Variants in FSHR observed in about 807,000 individuals in gnomAD.
The protein encoded by FSHR is follicle-stimulating hormone receptor.
Under a neutral mutation model 52.1 loss-of-function variants are expected in FSHR, and 46 were observed. The ratio of observed to expected loss-of-function variants is 0.88; its 90% CI spans 0.70 to 1.13. FSHR has a LOEUF of 1.13. Ranked by LOEUF, FSHR falls within the 50% of genes most tolerant of loss-of-function variation. FSHR has a pLI of 0.00. For missense variants in FSHR, 964 were observed against 834.6 expected, an observed-to-expected ratio of 1.16 and a Z score of -1.91; for synonymous variants, 399 against 309.6, an observed-to-expected ratio of 1.29 and a Z score of -3.03.
intron 1 of FSHR, among the ~76,000 whole-genome samples, chr2:49,080,953 C>T (rs773517256): frequency 2.0e-5 from 3 of 152,066 alleles, no homozygotes; most frequent in Admixed American, 6.6e-5. Context: ...CAGAGTTTGC[C>T]GAGAAGTTAT....
intron 2 of FSHR, among the ~76,000 whole-genome samples, chr2:49,033,268 C>A (rs1483045210): frequency 6.6e-6 from 1 of 152,148 alleles, no homozygotes; most frequent in Non-Finnish European, 1.5e-5. Context: ...GGAAATCTCT[C>A]CCCAGAGTTG....
intron 4 of FSHR, among the ~76,000 whole-genome samples, chr2:48,993,686 C>G (rs1305806866): frequency 6.6e-6 from 1 of 152,146 alleles, no homozygotes; most frequent in Non-Finnish European, 1.5e-5. Context: ...TTCTTACTGC[C>G]TACTCTTGCA....
intron 2 of FSHR, among the ~76,000 whole-genome samples, chr2:49,021,839 C>CTCTCTCTCTCTT (rs1558395163): frequency 9.1e-5 from 4 of 44,172 alleles, no homozygotes; most frequent in Non-Finnish European, 1.6e-4. Context: ...GTTTCTCTCT[C>CTCTCTCTCTCTT]TCTCTCTCTC....
At chr2:49,017,193 C>G (rs1011164484) in intron 4 of FSHR, among the ~76,000 whole-genome samples, 1 of 152,184 alleles carries the variant, frequency 6.6e-6, no homozygotes, top group African/African-American at 2.4e-5. Flanking sequence ...TTGGCTGTAT[C>G]TCATTAACAC....
chr2:49,115,654 T>C (rs1436966877), intron 1 of FSHR, among the ~76,000 whole-genome samples: 1 of 152,116 alleles, frequency 6.6e-6, no homozygotes, highest in African/African-American at 2.4e-5. Flanking sequence ...TCATGCTCTA[T>C]TGTATCATGA....
chr2:49,110,747 T>C (rs1671395632), intron 1 of FSHR, among the ~76,000 whole-genome samples: 1 of 152,176 alleles, frequency 6.6e-6, no homozygotes, highest in Admixed American at 6.6e-5. Context: ...GTGGAGTTGC[T>C]GCTGGGGAAT....
intron 2 of FSHR, among the ~76,000 whole-genome samples, chr2:49,041,545 T>C (rs1236182609): frequency 1.3e-5 from 2 of 152,226 alleles, no homozygotes; most frequent in African/African-American, 4.8e-5. Flanking sequence ...AGAATTATTT[T>C]AGTCTTCATG....
chr2:49,044,619 G>A (rs1439663595), intron 2 of FSHR, among the ~76,000 whole-genome samples: 2 of 152,100 alleles, frequency 1.3e-5, no homozygotes, highest in Non-Finnish European at 2.9e-5. Context: ...TTGGCTGGAG[G>A]GGAAAGGAGC....
chr2:48,976,930 C>T (rs1675016837), intron 8 of FSHR, among the ~76,000 whole-genome samples: 2 of 152,036 alleles, frequency 1.3e-5, no homozygotes, highest in South Asian at 4.1e-4. Flanking sequence ...CTTCCAAAAG[C>T]CAGCTCCTGG....
chr2:49,107,473 C>T (rs944968121), intron 1 of FSHR, among the ~76,000 whole-genome samples: 1 of 152,004 alleles, frequency 6.6e-6, no homozygotes, highest in African/African-American at 2.4e-5. Flanking sequence ...AAAGCAGGCT[C>T]TATATTTCAC....
intron 4 of FSHR, among the ~76,000 whole-genome samples, chr2:49,008,817 A>G (rs1199859688): frequency 6.8e-6 from 1 of 147,116 alleles, no homozygotes; most frequent in African/African-American, 2.5e-5. Context: ...TGGCTGCATA[A>G]ATGTCTTCTT....
intron 2 of FSHR, among the ~76,000 whole-genome samples, chr2:49,060,107 C>T (rs1323838346): frequency 6.6e-6 from 1 of 152,084 alleles, no homozygotes; most frequent in Non-Finnish European, 1.5e-5. Flanking sequence ...AAATGCTCCA[C>T]ATCACTAATC....
chr2:49,044,434 T>C (rs1175638916), intron 2 of FSHR, among the ~76,000 whole-genome samples: 1 of 152,204 alleles, frequency 6.6e-6, no homozygotes, highest in African/African-American at 2.4e-5. Context: ...TGAACTCTTA[T>C]TGCTGCTATA....
intron 1 of FSHR, among the ~76,000 whole-genome samples, chr2:49,148,013 C>T (rs1443344268): frequency 2.0e-5 from 3 of 151,958 alleles, no homozygotes; most frequent in Non-Finnish European, 4.4e-5. Context: ...AATCAAAGTA[C>T]ATCTGAGGAA....
chr2:49,139,777 T>C (rs867987329), intron 1 of FSHR, among the ~76,000 whole-genome samples: 14 of 151,994 alleles, frequency 9.2e-5, no homozygotes, highest in African/African-American at 3.1e-4. Flanking sequence ...TTTTGTATTT[T>C]TTAGTAGAGA....
intron 6 of FSHR, among the ~76,000 whole-genome samples, chr2:48,986,589 C>G (rs1026750017): frequency 2.0e-5 from 3 of 152,040 alleles, no homozygotes; most frequent in African/African-American, 7.2e-5. Context: ...GTGAGTTTAT[C>G]CTTTAGAGAC....
intron 4 of FSHR, among the ~76,000 whole-genome samples, chr2:49,016,282 C>T (rs1445922767): frequency 2.0e-5 from 3 of 152,158 alleles, no homozygotes; most frequent in Admixed American, 6.5e-5. Flanking sequence ...ATTCTGTATC[C>T]TTCCCTATGC....
chr2:49,132,426 T>C (rs1018579083), intron 1 of FSHR, among the ~76,000 whole-genome samples: 1 of 152,132 alleles, frequency 6.6e-6, no homozygotes, highest in African/African-American at 2.4e-5. Context: ...ATCTTTTCAG[T>C]TGTAATTTTA....
At chr2:49,121,894 C>A (rs1254931910) in intron 1 of FSHR, among the ~76,000 whole-genome samples, 1 of 152,094 alleles carries the variant, frequency 6.6e-6, no homozygotes, top group African/African-American at 2.4e-5. Flanking sequence ...TAAACAAACA[C>A]CCTTTCTTTT....
Sources: allele counts gnomAD v4.1 joint callset (sites outside exome capture counted in the v4.1 genomes callset), GRCh38; gene constraint gnomAD v4.1.1; transcripts MANE v1.5; gene names NCBI Gene and HGNC (gene_info 2026-07-23, HGNC 2026-07-21).